Variants in SEMA5A observed in about 807,000 individuals in gnomAD.
SEMA5A encodes semaphorin-5A.
Under a neutral mutation model 135.5 loss-of-function variants are expected in SEMA5A, and 55 were observed. That is an observed-to-expected ratio of 0.41 (90% CI 0.33 to 0.51). SEMA5A has a LOEUF of 0.51. Ranked by LOEUF, SEMA5A falls within the 20% of genes least tolerant of loss-of-function variation. SEMA5A has a pLI of 0.37. For missense variants in SEMA5A, 1,290 were observed against 1,419.9 expected, an observed-to-expected ratio of 0.91 and a Z score of 1.47; for synonymous variants, 580 against 546.5, an observed-to-expected ratio of 1.06 and a Z score of -0.85.
intron 5 of SEMA5A, among the ~76,000 whole-genome samples, chr5:9,305,301 T>C (rs1283543190): frequency 6.6e-6 from 1 of 152,206 alleles, no homozygotes; most frequent in Non-Finnish European, 1.5e-5. Flanking sequence ...AAATAATCTA[T>C]GAAGCCTTTT....
chr5:9,142,283 G>A (rs765636491), intron 12 of SEMA5A, among the ~76,000 whole-genome samples: 12 of 152,144 alleles, frequency 7.9e-5, no homozygotes, highest in Non-Finnish European at 1.5e-4. Context: ...TTTGATAGGC[G>A]CCAGCAAGAA....
At chr5:9,432,719 C>G (rs780815013) in intron 2 of SEMA5A, among the ~76,000 whole-genome samples, 6 of 152,176 alleles carry the variant, frequency 3.9e-5, no homozygotes, top group Non-Finnish European at 7.3e-5. Flanking sequence ...TATTTTACAT[C>G]AGTGCTCGAG....
At chr5:9,315,363 T>C (rs1393125566) in intron 5 of SEMA5A, among the ~76,000 whole-genome samples, 1 of 152,182 alleles carries the variant, frequency 6.6e-6, no homozygotes, top group East Asian at 1.9e-4. Context: ...CAAAAAACAA[T>C]GACATTCTCC....
intron 6 of SEMA5A, among the ~76,000 whole-genome samples, chr5:9,230,158 C>CT (rs5865817): frequency 0.088 from 8,701 of 98,352 alleles, 482 homozygotes; most frequent in East Asian, 0.18. Context: ...CTATTTTTTT[C>CT]TTTTTTTTTT....
At chr5:9,529,392 G>A (rs1423653342) in intron 1 of SEMA5A, among the ~76,000 whole-genome samples, 1 of 152,242 alleles carries the variant, frequency 6.6e-6, no homozygotes, top group Non-Finnish European at 1.5e-5. Flanking sequence ...CCTGTGGGAA[G>A]CCAAGAGCGT....
intron 11 of SEMA5A, among the ~76,000 whole-genome samples, chr5:9,155,333 C>T (rs1031658344): frequency 1.3e-5 from 2 of 152,074 alleles, no homozygotes; most frequent in African/African-American, 2.4e-5. Context: ...CCAAGCCCTC[C>T]CCGCTCCAGG....
chr5:9,251,978 G>A (rs928947676), intron 5 of SEMA5A, among the ~76,000 whole-genome samples: 3 of 152,150 alleles, frequency 2.0e-5, no homozygotes, highest in Non-Finnish European at 2.9e-5. Context: ...GATGGCCTGG[G>A]ATTATGAAGT....
At chr5:9,467,956 C>T (rs1038556973) in intron 1 of SEMA5A, among the ~76,000 whole-genome samples, 2 of 152,346 alleles carry the variant, frequency 1.3e-5, no homozygotes, top group South Asian at 2.1e-4. Context: ...CTTTACAACA[C>T]CCCAGTGGGC....
At chr5:9,303,267 C>T (rs1054393368) in intron 5 of SEMA5A, among the ~76,000 whole-genome samples, 2 of 152,018 alleles carry the variant, frequency 1.3e-5, no homozygotes, top group African/African-American at 4.8e-5. Flanking sequence ...CAGGCGCCCA[C>T]CACCATGCCC....
intron 1 of SEMA5A, among the ~76,000 whole-genome samples, chr5:9,449,957 A>G (rs17258935): frequency 0.034 from 5,200 of 152,288 alleles, 151 homozygotes; most frequent in Middle Eastern, 0.14. Context: ...GTCTCAGAAG[A>G]AGCCTTCAAT....
chr5:9,351,660 T>C (rs1754121571), intron 3 of SEMA5A, among the ~76,000 whole-genome samples: 1 of 152,186 alleles, frequency 6.6e-6, no homozygotes, highest in Admixed American at 6.5e-5. Flanking sequence ...CTGGTTTGCA[T>C]AAATATTTCA....
intron 5 of SEMA5A, among the ~76,000 whole-genome samples, chr5:9,248,290 G>A (rs1228754748): frequency 2.6e-5 from 4 of 152,058 alleles, no homozygotes; most frequent in Non-Finnish European, 5.9e-5. Flanking sequence ...GAGAACATGA[G>A]GCACTCCTTC....
chr5:9,182,914 AATT>A (rs1744601833), intron 11 of SEMA5A, among the ~76,000 whole-genome samples: 1 of 152,054 alleles, frequency 6.6e-6, no homozygotes, highest in East Asian at 1.9e-4. Context: ...AACTTTCAGT[AATT>A]ATTATTATGC....
chr5:9,157,296 C>T (rs1271997867), intron 11 of SEMA5A, among the ~76,000 whole-genome samples: 1 of 152,208 alleles, frequency 6.6e-6, no homozygotes, highest in Admixed American at 6.5e-5. Flanking sequence ...CTCATGATTA[C>T]CCTAGGGTCT....
At chr5:9,505,703 T>C (rs1735844786) in intron 1 of SEMA5A, among the ~76,000 whole-genome samples, 1 of 152,216 alleles carries the variant, frequency 6.6e-6, no homozygotes, top group Non-Finnish European at 1.5e-5. Context: ...ACACCTCTGC[T>C]GGCAGCTTTT....
chr5:9,061,692 G>C (rs781254518), intron 18 of SEMA5A, among the ~76,000 whole-genome samples: 1 of 152,100 alleles, frequency 6.6e-6, no homozygotes, highest in Non-Finnish European at 1.5e-5. Flanking sequence ...CTGGGCGGGG[G>C]CTCTTTCGGC....
chr5:9,343,990 G>T (rs777939826), intron 3 of SEMA5A, among the ~76,000 whole-genome samples: 1 of 152,142 alleles, frequency 6.6e-6, no homozygotes, highest in Non-Finnish European at 1.5e-5. Context: ...TCACACACTT[G>T]TCTGGTGCCA....
chr5:9,070,501 T>C (rs1426009263), intron 16 of SEMA5A, among the ~76,000 whole-genome samples: 1 of 152,250 alleles, frequency 6.6e-6, no homozygotes, highest in Non-Finnish European at 1.5e-5. Flanking sequence ...AACAGATTTA[T>C]AGGATACCAC....
chr5:9,105,425 T>C (rs772402194), intron 16 of SEMA5A, among the ~76,000 whole-genome samples: 13 of 152,214 alleles, frequency 8.5e-5, no homozygotes, highest in Non-Finnish European at 1.6e-4. Context: ...AATTCTTTCT[T>C]TTTCATAAAC....
Sources: gnomAD v4.1 joint callset for allele counts (sites outside exome capture counted in the v4.1 genomes callset) on GRCh38, gnomAD v4.1.1 for gene constraint, MANE v1.5 for transcripts, NCBI Gene and HGNC (gene_info 2026-07-23, HGNC 2026-07-21) for gene names.